Variants in POLR3K observed in about 807,000 individuals in gnomAD.
POLR3K encodes RNA polymerase III subunit K, also known as DNA-directed RNA polymerase III subunit RPC10.
A neutral mutation model predicts 13.5 loss-of-function variants in POLR3K; 11 were observed. The observed-to-expected ratio is 0.81, with a 90% CI of 0.51 to 1.35. The LOEUF (loss-of-function observed/expected upper bound fraction) is 1.35. Among genes scored for constraint, POLR3K ranks in the 40% most tolerant of loss-of-function variants. The pLI is 0.00. For missense variants in POLR3K, 144 were observed against 145.3 expected, an observed-to-expected ratio of 0.99 and a Z score of 0.05; for synonymous variants, 56 against 51.5, an observed-to-expected ratio of 1.09 and a Z score of -0.38.
chr16:47,531 G>C lies in POLR3K; in HGVS notation c.226C>G (p.Arg76Gly). The C allele has an allele frequency of 1.2e-6, 2 of 1,613,054 alleles. No homozygotes were observed. The highest frequency in any genetic ancestry group is 1.7e-6 in the Non-Finnish European group (2 of 1,179,312). The change falls in exon 3 of 3, where the codon CGT becomes GGT. Residue 76 changes from arginine (R) to glycine (G), a missense_variant. By Grantham distance (125) the Arg-to-Gly change is moderately radical. Transcript: ENST00000293860. ...GTCTGAAGCTGCATGAAGTAAGCAC[G>C]AGGATGTTCGCATTTGGGACACGAC... ...AESCPKCEHP[R>G]AYFMQLQTRS...
At chr16:52,453 A>T in intron 1 of POLR3K, among the ~76,000 whole-genome samples, 1 of 7,050 alleles carries the variant, frequency 1.4e-4, no homozygotes, top group African/African-American at 6.2e-4. Context: ...TCTCAAAAAA[A>T]AAAAAAAAAA....
rs776658491 is a variant in POLR3K at position 47,488 on chromosome 16, G to A, written c.269C>T (p.Pro90Leu). ...MQLQTRSADE[P>L]MTTFYKCCNA... The stretch of plus-strand genomic sequence containing the variant: ...GCAGCACTTGTAGAAGGTGGTCATC[G>A]GCTCATCTGCAGAGCGGGTCTGAAG... The change falls in exon 3 of 3, where the codon CCG (proline) becomes CTG (leucine). Residue 90 changes from proline (P) to leucine (L), a missense_variant. Coordinates refer to ENST00000293860, the MANE Select transcript of POLR3K (RefSeq NM_016310.5). 1.2e-6 allele frequency: 2 copies of A among 1,613,784 alleles called. No homozygotes were observed. The highest frequency in any genetic ancestry group is 1.7e-6 in the Non-Finnish European group (2 of 1,179,770).
intron 2 of POLR3K, 48 bp from the exon 3 acceptor site, chr16:47,605 T>C (rs769764475): frequency 6.3e-7 from 1 of 1,595,524 alleles, no homozygotes; most frequent in Non-Finnish European, 8.6e-7. Context: ...AAGATGCTAC[T>C]CATGGCTGTC....
At chr16:53,402 G>C in intron 1 of POLR3K, 74 bp downstream of exon 1, 1 of 1,510,334 alleles carries the variant, frequency 6.6e-7, no homozygotes. Context: ...GGCTGGCGGC[G>C]ATGGAGCAGC....
intron 2 of POLR3K, among the ~76,000 whole-genome samples, chr16:50,429 G>A (rs1314651731): frequency 6.6e-6 from 1 of 152,110 alleles, no homozygotes; most frequent in African/African-American, 2.4e-5. Flanking sequence ...ATGCTCACTG[G>A]TATTAACTTC....
At chr16:53,418 G>A (rs999757783) in intron 1 of POLR3K, 58 bp downstream of exon 1, 4 of 1,539,544 alleles carry the variant, frequency 2.6e-6, no homozygotes, top group Non-Finnish European at 1.7e-6. Context: ...GCAGCAGTCG[G>A]AGGACGCGGA....
At chr16:50,559 G>A (rs950262222) in intron 2 of POLR3K, among the ~76,000 whole-genome samples, 1 of 152,112 alleles carries the variant, frequency 6.6e-6, no homozygotes, top group African/African-American at 2.4e-5. Context: ...TCTCACTCTT[G>A]TCACCGAGGC....
intron 2 of POLR3K, among the ~76,000 whole-genome samples, chr16:48,056 A>C (rs1691331393): frequency 6.7e-6 from 1 of 149,700 alleles, no homozygotes; most frequent in African/African-American, 2.5e-5. Flanking sequence ...CACCCGGCTA[A>C]TTTTTTTGTA....
rs752633537 is a variant in POLR3K at position 53,431 on chromosome 16, G to C, written c.111+45C>G. 2.0e-6 allele frequency: 3 copies of C among 1,536,254 alleles called. No individual in the cohort carries two copies. In the Admixed American group the frequency reaches 5.9e-5, roughly 30 times the overall value. On this transcript the variant is annotated intron_variant, in intron 1 of 2. Coordinates refer to ENST00000293860, the MANE Select transcript of POLR3K (RefSeq NM_016310.5). ...GAGCAGCAGTCGGAGGACGCGGAAG[G>C]CCTGCGAGAGTCGCCCGCGCCCAGC...
chr16:47,839 C>G (rs1363123523), intron 2 of POLR3K, among the ~76,000 whole-genome samples: 1 of 122,286 alleles, frequency 8.2e-6, no homozygotes, highest in African/African-American at 3.2e-5. Context: ...CAAGATCGTG[C>G]CACTGCACTC....
chr16:47,997 T>C (rs986645146), intron 2 of POLR3K, among the ~76,000 whole-genome samples: 1 of 144,130 alleles, frequency 6.9e-6, no homozygotes, highest in African/African-American at 2.6e-5. Flanking sequence ...CATGTGATTC[T>C]CCTTGCCTCA....
At chr16:49,426 G>T (rs1362513917) in intron 2 of POLR3K, among the ~76,000 whole-genome samples, 2 of 151,122 alleles carry the variant, frequency 1.3e-5, no homozygotes, top group Non-Finnish European at 3.0e-5. Flanking sequence ...ATTTCACTTT[G>T]AGAAACTTAT....
rs755613154 is a variant in POLR3K, at chr16:47,549, G to A, written c.208C>T (p.Pro70Ser). 8.1e-6 allele frequency: 13 copies of A among 1,611,622 alleles called. No homozygotes were observed. Among genetic ancestry groups the A allele is most frequent in the Non-Finnish European group, 1.1e-5 (13 of 1,178,650 alleles). ...ENVDSTAESC[P>S]KCEHPRAYFM... ...TAAGCACGAGGATGTTCGCATTTGGGACACGACTCTGGCAATGAGAAAAAA... is the reference window on the plus strand; with the variant it reads ...TAAGCACGAGGATGTTCGCATTTGGAACACGACTCTGGCAATGAGAAAAAA... The change falls in exon 3 of 3, where the codon CCC (proline) becomes TCC (serine). Residue 70 changes from proline (P) to serine (S), a missense_variant. Transcript: ENST00000293860.
chr16:52,792 A>G (rs1201775540), intron 1 of POLR3K, among the ~76,000 whole-genome samples: 2 of 26,068 alleles, frequency 7.7e-5, no homozygotes, highest in Non-Finnish European at 9.3e-5. Flanking sequence ...AAAAAAAAAA[A>G]AAACAATAAA....
At chr16:49,319 TC>T (rs1374143922) in intron 2 of POLR3K, among the ~76,000 whole-genome samples, 1 of 151,306 alleles carries the variant, frequency 6.6e-6, no homozygotes, top group African/African-American at 2.4e-5. Context: ...ATGCCTGTAA[TC>T]CCAGCTACTC....
At position 47,143 on chromosome 16, in the gene POLR3K, A is replaced by G; in HGVS notation, c.*287T>C. The stretch of plus-strand genomic sequence containing the variant: ...GTTGATTGGGAGTAAGGGAATGTCA[A>G]CTGCCAATAAAGTGGAAGATGAAAG... On this transcript the variant is annotated 3_prime_UTR_variant, in exon 3 of 3. Coordinates refer to ENST00000293860, the MANE Select transcript of POLR3K (RefSeq NM_016310.5). 1 of 198,636 alleles carries G rather than the reference A, an allele frequency of 5.0e-6. No homozygotes were observed. The highest frequency in any genetic ancestry group is 1.0e-5 in the Non-Finnish European group (1 of 97,536). The allele number at this position is 198,636 out of a possible 1,614,324, so 12.3% of individuals were successfully genotyped here. A position where few individuals can be genotyped will look rare whatever the true frequency, so the allele number is the denominator to read the frequency against.
chr16:49,728 C>T (rs570859867), intron 2 of POLR3K, among the ~76,000 whole-genome samples: 23 of 152,058 alleles, frequency 1.5e-4, no homozygotes, highest in African/African-American at 5.1e-4. Context: ...CAACCTCCGC[C>T]TCACAGGTTC....
intron 2 of POLR3K, among the ~76,000 whole-genome samples, chr16:49,399 T>A (rs1214836002): frequency 6.8e-6 from 1 of 147,678 alleles, no homozygotes; most frequent in African/African-American, 2.5e-5. Context: ...GATCACACCA[T>A]TGCACTCTTC....
chr16:49,293 C>T (rs1160689535), intron 2 of POLR3K, among the ~76,000 whole-genome samples: 1 of 151,950 alleles, frequency 6.6e-6, no homozygotes, highest in East Asian at 2.0e-4. Flanking sequence ...ACAAAATTAG[C>T]TGGGCGTGGT....
Sources: gnomAD v4.1 joint callset for allele counts (sites outside exome capture counted in the v4.1 genomes callset) on GRCh38, gnomAD v4.1.1 for gene constraint, MANE v1.5 for transcripts, NCBI Gene and HGNC (gene_info 2026-07-23, HGNC 2026-07-21) for gene names.